TBC1D4: variants seen among roughly 807,000 people sequenced by gnomAD.
TBC1D4 encodes the protein TBC (Tre-2, BUB2, CDC16) domain-containing protein.
Under a neutral mutation model 142.5 loss-of-function variants are expected in TBC1D4, and 121 were observed. That is an observed-to-expected ratio of 0.85 (90% CI 0.73 to 0.99). The LOEUF (loss-of-function observed/expected upper bound fraction) is 0.99, where lower values mean the gene tolerates loss of function less well. Among genes scored for constraint, TBC1D4 ranks in the 50% least tolerant of loss-of-function variants. TBC1D4 has a pLI of 0.00. For missense variants in TBC1D4, 1,475 were observed against 1,606.6 expected (o/e 0.92, Z 1.40); for synonymous variants, 630 against 628.2 (o/e 1.00, Z -0.04).
Position 75,302,334 on chromosome 13 carries a change from T to C in TBC1D4, c.2820A>G (p.Arg940=). ...FLALQYRLRH[R]LPNKQQPPDI... ...CAGGAGGCTGTTGTTTATTAGGCAA[T>C]CTGTGTCTGAGTCGGTACTGTAAAG... Residue 940 remains arginine, a synonymous_variant, in exon 16 of 21, where the codon AGA becomes AGG. Coordinates refer to ENST00000377636, the MANE Select transcript of TBC1D4 (RefSeq NM_014832.5). 1 of 1,614,200 alleles carries C rather than the reference T, an allele frequency of 6.2e-7. No individual in the cohort carries two copies. The highest frequency in any genetic ancestry group is 8.5e-7 in the Non-Finnish European group (1 of 1,180,032).
At chr13:75,288,401 C>T (rs895607466) in intron 20 of TBC1D4, among the ~76,000 whole-genome samples, 1 of 152,130 alleles carries the variant, frequency 6.6e-6, no homozygotes, top group African/African-American at 2.4e-5. Flanking sequence ...AGGATTAAAG[C>T]CATGTTCTTT....
At chr13:75,438,546 G>A (rs969000665) in intron 1 of TBC1D4, among the ~76,000 whole-genome samples, 7 of 152,248 alleles carry the variant, frequency 4.6e-5, no homozygotes, top group Middle Eastern at 3.4e-3. Context: ...CAAACCTGTC[G>A]CTATGTTCTA....
chr13:75,391,845 G>C (rs1242712064), intron 1 of TBC1D4, among the ~76,000 whole-genome samples: 1 of 152,108 alleles, frequency 6.6e-6, no homozygotes, highest in Non-Finnish European at 1.5e-5. Context: ...CACAGAGCAG[G>C]AGGCTTCCTC....
chr13:75,469,000 C>T (rs908106051), intron 1 of TBC1D4, among the ~76,000 whole-genome samples: 1 of 152,078 alleles, frequency 6.6e-6, no homozygotes, highest in Non-Finnish European at 1.5e-5. Flanking sequence ...ATGGCTGAGA[C>T]AGAAGTGAAA....
rs377062191 is a variant in TBC1D4, at chr13:75,302,415, G to A, written c.2753-14C>T. The A allele has an allele frequency of 1.2e-6, 2 of 1,614,014 alleles. No homozygotes were observed. The highest frequency in any genetic ancestry group is 1.7e-6 in the Non-Finnish European group (2 of 1,179,986). On this transcript the variant is annotated splice_polypyrimidine_tract_variant and intron_variant, in intron 15 of 20. Coordinates refer to ENST00000377636, the MANE Select transcript of TBC1D4 (RefSeq NM_014832.5). ...TTTTGGGAACTCCTACAATGAAGGA[G>A]ATAAATAACCAAGGCCTTGAACTCT...
intron 1 of TBC1D4, among the ~76,000 whole-genome samples, chr13:75,383,007 A>G (rs933683823): frequency 6.6e-6 from 1 of 152,200 alleles, no homozygotes; most frequent in African/African-American, 2.4e-5. Context: ...AGGGCAAGTT[A>G]AATGTCATGA....
At chr13:75,454,710 A>G (rs1177626002) in intron 1 of TBC1D4, among the ~76,000 whole-genome samples, 1 of 152,210 alleles carries the variant, frequency 6.6e-6, no homozygotes, top group Non-Finnish European at 1.5e-5. Context: ...GGATTTTGGC[A>G]TGTTAGTACA....
intron 1 of TBC1D4, among the ~76,000 whole-genome samples, chr13:75,431,287 A>C (rs998813519): frequency 5.3e-5 from 8 of 152,186 alleles, no homozygotes; most frequent in Middle Eastern, 3.2e-3. Context: ...CTTTGAGAAA[A>C]CAGTTTCCAT....
intron 15 of TBC1D4, 183 bp from the exon 16 acceptor site, chr13:75,302,584 C>T: frequency 1.5e-6 from 1 of 672,752 alleles, no homozygotes; most frequent in Non-Finnish European, 2.6e-6. Context: ...CTCTTGATGC[C>T]TTGCAAAAGA....
chr13:75,384,327 T>G (rs1346354364), intron 1 of TBC1D4, among the ~76,000 whole-genome samples: 2 of 152,080 alleles, frequency 1.3e-5, no homozygotes, highest in Non-Finnish European at 2.9e-5. Context: ...TCCCAGCTAC[T>G]TGGGAGGCTG....
chr13:75,416,547 C>A (rs1217780912), intron 1 of TBC1D4, among the ~76,000 whole-genome samples: 1 of 152,064 alleles, frequency 6.6e-6, no homozygotes, highest in African/African-American at 2.4e-5. Context: ...AAGACAAAGA[C>A]GACCCAGGCA....
At chr13:75,328,202 A>C (rs1593734956) in intron 8 of TBC1D4, among the ~76,000 whole-genome samples, 1 of 152,228 alleles carries the variant, frequency 6.6e-6, no homozygotes, top group Admixed American at 6.5e-5. Context: ...GACTTAATAC[A>C]TACAACCTAG....
chr13:75,450,854 A>T, intron 1 of TBC1D4, among the ~76,000 whole-genome samples: 1 of 152,142 alleles, frequency 6.6e-6, no homozygotes, highest in East Asian at 1.9e-4. Flanking sequence ...AGCATAAACT[A>T]TCTAGGGCCC....
chr13:75,310,646 T>C (rs865937049), intron 13 of TBC1D4, among the ~76,000 whole-genome samples: 1 of 152,308 alleles, frequency 6.6e-6, no homozygotes, highest in Non-Finnish European at 1.5e-5. Context: ...CTTTTTCTTT[T>C]TCAATTTTTA....
chr13:75,341,165 G>C lies in TBC1D4; in HGVS notation c.1571C>G (p.Ala524Gly), dbSNP rs1290538272. The C allele has an allele frequency of 6.2e-7, 1 of 1,613,296 alleles. No individual in the cohort carries two copies. The highest frequency in any genetic ancestry group is 8.5e-7 in the Non-Finnish European group (1 of 1,179,844). The change falls in exon 7 of 21, where the codon GCC becomes GGC. Residue 524 changes from alanine (A) to glycine (G), a missense_variant. Ala to Gly is a moderately conservative substitution (Grantham distance 60). Transcript: ENST00000377636. ...GATGTGCACGTGTGTCTTCTGCTTG[G>C]CTTCACACAGCTGCCTCAGGTGTAA... ...VILHLRQLCEAKQKTHVHIGE... is the reference protein window; with the variant it reads ...VILHLRQLCEGKQKTHVHIGE...
chr13:75,412,020 C>T (rs906101260), intron 1 of TBC1D4, among the ~76,000 whole-genome samples: 4 of 152,174 alleles, frequency 2.6e-5, no homozygotes, highest in African/African-American at 9.7e-5. Flanking sequence ...CCAGGCAATT[C>T]AAACAAGTTG....
At chr13:75,410,351 A>G (rs2138395067) in intron 1 of TBC1D4, among the ~76,000 whole-genome samples, 1 of 152,340 alleles carries the variant, frequency 6.6e-6, no homozygotes, top group East Asian at 1.9e-4. Flanking sequence ...GCAGCGCACA[A>G]ACGCCAGAAC....
chr13:75,316,887 G>A (rs375546059), intron 12 of TBC1D4, among the ~76,000 whole-genome samples: 15 of 152,040 alleles, frequency 9.9e-5, no homozygotes, highest in South Asian at 4.1e-4. Context: ...TCTACTTTTT[G>A]AGTAAAAACA....
At chr13:75,422,812 A>T (rs1886224877) in intron 1 of TBC1D4, among the ~76,000 whole-genome samples, 1 of 152,176 alleles carries the variant, frequency 6.6e-6, no homozygotes, top group African/African-American at 2.4e-5. Context: ...CTTTAACTTG[A>T]TAATTTGTCT....
Sources: gnomAD v4.1 joint callset for allele counts (sites outside exome capture counted in the v4.1 genomes callset) on GRCh38, gnomAD v4.1.1 for gene constraint, MANE v1.5 for transcripts, NCBI Gene and HGNC (gene_info 2026-07-23, HGNC 2026-07-21) for gene names.